KCNQ5: variants seen among roughly 807,000 people sequenced by gnomAD.
The protein encoded by KCNQ5 is potassium voltage-gated channel subfamily Q member 5.
Under a neutral mutation model 98.2 loss-of-function variants are expected in KCNQ5, and 30 were observed. That is an observed-to-expected ratio of 0.31 (90% CI 0.23 to 0.41). The LOEUF is 0.41. Ranked by LOEUF, KCNQ5 falls within the 10% of genes least tolerant of loss-of-function variation. The pLI is 1.00. For synonymous variants in KCNQ5, 458 were observed against 449.4 expected (o/e 1.02, Z -0.24); for missense variants, 835 against 1,182.5 (o/e 0.71, Z 4.31).
chr6:72,960,191 A>G (rs2150266216), intron 1 of KCNQ5, among the ~76,000 whole-genome samples: 1 of 152,326 alleles, frequency 6.6e-6, no homozygotes, highest in Non-Finnish European at 1.5e-5. Flanking sequence ...AAATGATCCC[A>G]TGGCCATTCC....
At chr6:73,059,925 A>G (rs149287389) in intron 3 of KCNQ5, among the ~76,000 whole-genome samples, 12 of 152,304 alleles carry the variant, frequency 7.9e-5, no homozygotes, top group Middle Eastern at 6.8e-3. Context: ...AATTTTTAGA[A>G]AGTCCTTATT....
intron 1 of KCNQ5, among the ~76,000 whole-genome samples, chr6:72,760,608 A>G (rs1049119842): frequency 1.3e-5 from 2 of 152,142 alleles, no homozygotes; most frequent in African/African-American, 2.4e-5. Flanking sequence ...AAAAATAGCC[A>G]TAAGTCTCTG....
At chr6:73,098,801 C>T (rs1272778952) in intron 5 of KCNQ5, among the ~76,000 whole-genome samples, 3 of 152,054 alleles carry the variant, frequency 2.0e-5, no homozygotes, top group Non-Finnish European at 4.4e-5. Flanking sequence ...AAACTAAAAA[C>T]CATCTAAGGG....
intron 1 of KCNQ5, among the ~76,000 whole-genome samples, chr6:72,639,356 C>T (rs1440118806): frequency 6.6e-6 from 1 of 152,134 alleles, no homozygotes; most frequent in African/African-American, 2.4e-5. Flanking sequence ...GGGGCCAGAA[C>T]CTAGAAGAAA....
intron 1 of KCNQ5, among the ~76,000 whole-genome samples, chr6:72,640,315 T>G (rs1157393214): frequency 6.6e-6 from 1 of 150,852 alleles, no homozygotes; most frequent in Non-Finnish European, 1.5e-5. Flanking sequence ...GTGTTAAAGC[T>G]CCTTATATAA....
At chr6:72,660,248 C>T (rs917659043) in intron 1 of KCNQ5, among the ~76,000 whole-genome samples, 7 of 152,132 alleles carry the variant, frequency 4.6e-5, no homozygotes, top group African/African-American at 1.2e-4. Flanking sequence ...TCCTATTTTA[C>T]GCATGAGAAA....
chr6:72,783,077 A>G (rs938868660), intron 1 of KCNQ5, among the ~76,000 whole-genome samples: 4 of 152,184 alleles, frequency 2.6e-5, no homozygotes, highest in Admixed American at 1.3e-4. Context: ...GTTAGCTTCA[A>G]GTCTTCAGAG....
chr6:72,626,108 C>T (rs2098917862), intron 1 of KCNQ5, among the ~76,000 whole-genome samples: 1 of 152,234 alleles, frequency 6.6e-6, no homozygotes, highest in Admixed American at 6.5e-5. Flanking sequence ...AAGGCCTCCA[C>T]TCTGGAGGAA....
chr6:73,128,230 T>C (rs1048299565), intron 9 of KCNQ5, among the ~76,000 whole-genome samples: 1 of 152,228 alleles, frequency 6.6e-6, no homozygotes, highest in East Asian at 1.9e-4. Flanking sequence ...TTTCCTCTAC[T>C]CCAATCATAA....
At chr6:73,057,918 A>G (rs1772598162) in intron 3 of KCNQ5, among the ~76,000 whole-genome samples, 2 of 152,258 alleles carry the variant, frequency 1.3e-5, no homozygotes, top group Admixed American at 6.5e-5. Context: ...ATGGAACAGA[A>G]GAGATAGCCC....
At chr6:72,997,255 T>C (rs1199530026) in intron 1 of KCNQ5, among the ~76,000 whole-genome samples, 1 of 152,106 alleles carries the variant, frequency 6.6e-6, no homozygotes, top group Admixed American at 6.5e-5. Context: ...GCATGCTCCA[T>C]GTCTGTCTAC....
At chr6:72,886,389 A>G (rs1778843445) in intron 1 of KCNQ5, among the ~76,000 whole-genome samples, 1 of 152,212 alleles carries the variant, frequency 6.6e-6, no homozygotes, top group Non-Finnish European at 1.5e-5. Flanking sequence ...AAAGTAAAAT[A>G]TAGACATGAA....
At chr6:72,855,973 C>T (rs1777515179) in intron 1 of KCNQ5, among the ~76,000 whole-genome samples, 1 of 152,044 alleles carries the variant, frequency 6.6e-6, no homozygotes, top group African/African-American at 2.4e-5. Flanking sequence ...TCAAAAGAAG[C>T]AAAAATGAGA....
chr6:72,855,744 A>T (rs961222115), intron 1 of KCNQ5, among the ~76,000 whole-genome samples: 1 of 152,208 alleles, frequency 6.6e-6, no homozygotes, highest in African/African-American at 2.4e-5. Context: ...AGAAATAATG[A>T]GTGCTACCAG....
At chr6:72,629,117 C>T (rs2098919473) in intron 1 of KCNQ5, among the ~76,000 whole-genome samples, 1 of 152,164 alleles carries the variant, frequency 6.6e-6, no homozygotes, top group Admixed American at 6.5e-5. Flanking sequence ...TACTGACACC[C>T]CAGATCTCCA....
intron 1 of KCNQ5, among the ~76,000 whole-genome samples, chr6:72,792,879 ATG>A (rs1172744816): frequency 1.3e-5 from 2 of 152,348 alleles, no homozygotes; most frequent in East Asian, 3.9e-4. Context: ...TTGGAAGAAT[ATG>A]GAATACTTTA....
chr6:72,757,384 T>C (rs887365455), intron 1 of KCNQ5, among the ~76,000 whole-genome samples: 1 of 152,072 alleles, frequency 6.6e-6, no homozygotes, highest in Non-Finnish European at 1.5e-5. Context: ...TATGATGGGG[T>C]TATGTCCAGA....
chr6:73,157,617 G>C (rs1472653601), intron 10 of KCNQ5: 2 of 772,950 alleles, frequency 2.6e-6, no homozygotes, highest in Non-Finnish European at 4.8e-6. Flanking sequence ...GTGGCAGCTG[G>C]GTAGGTGAAC....
At chr6:73,081,235 G>A (rs574071481) in intron 5 of KCNQ5, among the ~76,000 whole-genome samples, 3 of 152,304 alleles carry the variant, frequency 2.0e-5, no homozygotes, top group African/African-American at 7.2e-5. Flanking sequence ...TTGCATTGAT[G>A]GCAGAAAATG....
Sources: gnomAD v4.1 joint callset for allele counts (sites outside exome capture counted in the v4.1 genomes callset) on GRCh38, gnomAD v4.1.1 for gene constraint, MANE v1.5 for transcripts, NCBI Gene and HGNC (gene_info 2026-07-23, HGNC 2026-07-21) for gene names.